Variants in ATP9B observed in about 807,000 individuals in gnomAD.
The protein encoded by ATP9B is ATPase phospholipid transporting 9B.
Under a neutral mutation model 146.1 loss-of-function variants are expected in ATP9B, and 110 were observed. That is an observed-to-expected ratio of 0.75 (90% CI 0.65 to 0.88). The LOEUF is 0.88. Ranked by LOEUF, ATP9B falls within the 40% of genes least tolerant of loss-of-function variation. ATP9B has a pLI of 0.00. For synonymous variants in ATP9B, 604 were observed against 569.7 expected (o/e 1.06, Z -0.86); for missense variants, 1,499 against 1,496.4 (o/e 1.00, Z -0.03).
At chr18:79,082,726 C>G (rs1209365248) in intron 1 of ATP9B, among the ~76,000 whole-genome samples, 1 of 152,222 alleles carries the variant, frequency 6.6e-6, no homozygotes, top group African/African-American at 2.4e-5. Context: ...CTGGGTTTCA[C>G]CAGCGGAGGT....
rs370595343 is a variant in ATP9B, at chr18:79,099,776, A to AT, written c.293+3134dup. On this transcript the variant is annotated intron_variant, in intron 2 of 29. Transcript: ENST00000426216. ...CATGCCCAACCTGTTTTTTGCAGTT[A>AT]TTTTTTTGTAATTGATTTGTATCTG... 4.9e-3 allele frequency among the ~76,000 whole-genome samples: 749 copies of AT among 151,974 alleles called. 5 individuals carry two copies. Among genetic ancestry groups the AT allele is most frequent in the South Asian group, 0.025 (120 of 4,796 alleles).
At chr18:79,325,924 C>A (rs1171959834) in intron 15 of ATP9B, among the ~76,000 whole-genome samples, 3 of 146,426 alleles carry the variant, frequency 2.0e-5, no homozygotes, top group African/African-American at 5.1e-5. Flanking sequence ...ATCTCTGTAC[C>A]CTCCCTCCCC....
At chr18:79,079,223 T>C (rs1411120449) in intron 1 of ATP9B, among the ~76,000 whole-genome samples, 1 of 152,238 alleles carries the variant, frequency 6.6e-6, no homozygotes, top group African/African-American at 2.4e-5. Context: ...TCTAGATCCT[T>C]GAGGAATTGC....
chr18:79,303,403 T>C (rs1461491642), intron 13 of ATP9B, among the ~76,000 whole-genome samples: 1 of 151,892 alleles, frequency 6.6e-6, no homozygotes, highest in African/African-American at 2.4e-5. Flanking sequence ...TACCTTGACA[T>C]GCTAGGGAGA....
chr18:79,117,303 A>G (rs1045725861), intron 4 of ATP9B: 9 of 152,212 alleles, frequency 5.9e-5, no homozygotes, highest in African/African-American at 1.9e-4. Context: ...TTCTGGGAGA[A>G]AAGGCAGTAT....
intron 12 of ATP9B, among the ~76,000 whole-genome samples, chr18:79,258,025 T>C (rs116534475): frequency 0.015 from 2,350 of 152,304 alleles, 67 homozygotes; most frequent in African/African-American, 0.054. Flanking sequence ...CTTTCTTTAG[T>C]AAAATAACAT....
chr18:79,203,156 C>CT, intron 9 of ATP9B, among the ~76,000 whole-genome samples: 1 of 151,976 alleles, frequency 6.6e-6, no homozygotes, highest in East Asian at 1.9e-4. Flanking sequence ...AGGTGGAAGG[C>CT]TTAGAGTAAC....
intron 26 of ATP9B, chr18:79,362,034 G>A (rs751259497): frequency 6.5e-6 from 1 of 152,974 alleles, no homozygotes; most frequent in Non-Finnish European, 1.5e-5. Context: ...TGAAATGTGA[G>A]TGGCTGACCG....
chr18:79,075,449 A>G, intron 1 of ATP9B, among the ~76,000 whole-genome samples: 1 of 151,948 alleles, frequency 6.6e-6, no homozygotes, highest in South Asian at 2.1e-4. Context: ...CTCTTTTTAG[A>G]GTTTTATCAA....
At chr18:79,105,814 C>T (rs1489383609) in intron 2 of ATP9B, among the ~76,000 whole-genome samples, 1 of 152,152 alleles carries the variant, frequency 6.6e-6, no homozygotes, top group Non-Finnish European at 1.5e-5. Flanking sequence ...CTCAACTAAT[C>T]GGCAGACGTT....
At chr18:79,291,968 G>C (rs749139863) in intron 13 of ATP9B, among the ~76,000 whole-genome samples, 1 of 152,188 alleles carries the variant, frequency 6.6e-6, no homozygotes, top group Non-Finnish European at 1.5e-5. Flanking sequence ...TGTCCTGGGC[G>C]TTCCACGTAA....
chr18:79,154,023 A>G (rs1301770094), intron 6 of ATP9B, among the ~76,000 whole-genome samples: 5 of 147,496 alleles, frequency 3.4e-5, no homozygotes, highest in Non-Finnish European at 5.9e-5. Flanking sequence ...CAGTGGCACA[A>G]TCTCCACTCA....
intron 15 of ATP9B, among the ~76,000 whole-genome samples, chr18:79,310,368 G>A (rs1345846574): frequency 6.6e-6 from 1 of 152,222 alleles, no homozygotes; most frequent in African/African-American, 2.4e-5. Flanking sequence ...TGCCTTATGA[G>A]TAATAACTAG....
intron 2 of ATP9B, among the ~76,000 whole-genome samples, chr18:79,104,260 A>G (rs139668870): frequency 4.6e-5 from 7 of 152,188 alleles, no homozygotes; most frequent in African/African-American, 1.4e-4. Flanking sequence ...CCGTTAGGTG[A>G]TTTTTTGTGT....
chr18:79,364,265 CAAAAAA>C (rs950562390), intron 26 of ATP9B: 7 of 95,146 alleles, frequency 7.4e-5, no homozygotes, highest in Non-Finnish European at 1.3e-4. Context: ...AACTCCGTCT[CAAAAAA>C]AAAAAAAAAG....
intron 8 of ATP9B, among the ~76,000 whole-genome samples, chr18:79,192,879 C>T (rs1399504724): frequency 6.6e-6 from 1 of 152,130 alleles, no homozygotes; most frequent in Non-Finnish European, 1.5e-5. Flanking sequence ...CAAGATACTC[C>T]TAAACAGGCT....
rs142719740 is a variant in ATP9B at position 79,176,898 on chromosome 18, G to A, written c.864G>A (p.Pro288=). The change falls in exon 8 of 30, where the codon CCG becomes CCA. Residue 288 remains proline, a synonymous_variant. Transcript: ENST00000426216. ...CAGTGAGCTGCACGCAACAGCTGCC[G>A]GCTCTGGGGGTGAGCAGCACCAAGA... ...KVAVSCTQQL[P]ALGDLFSISA... The A allele has an allele frequency of 2.2e-5, 36 of 1,613,686 alleles. No individual in the cohort carries two copies. Among genetic ancestry groups the A allele is most frequent in the African/African-American group, 1.6e-4 (12 of 74,910 alleles).
intron 8 of ATP9B, 42 bp from the exon 9 acceptor site, chr18:79,193,141 A>T (rs1309547231): frequency 7.1e-7 from 1 of 1,401,326 alleles, no homozygotes; most frequent in East Asian, 2.3e-5. Context: ...TAATTTTACT[A>T]AACTATAACA....
chr18:79,282,095 T>C lies in ATP9B; in HGVS notation c.1411+4899T>C, dbSNP rs114990344. Among the ~76,000 whole-genome samples, 1,000 of 152,276 alleles carry C rather than the reference T, an allele frequency of 6.6e-3. 5 individuals are homozygous for C. Among genetic ancestry groups the C allele is most frequent in the African/African-American group, 0.023 (936 of 41,546 alleles). Reference sequence around the variant, plus strand: ...TAGGGAGGGAATTAGGAGTGGAGCCTGAAGATGACTGAACTGCGGCAACCT... The same window carrying C: ...TAGGGAGGGAATTAGGAGTGGAGCCCGAAGATGACTGAACTGCGGCAACCT... On this transcript the variant is annotated intron_variant, in intron 13 of 29. Coordinates refer to ENST00000426216, the MANE Select transcript of ATP9B (RefSeq NM_198531.5).
Sources: allele counts gnomAD v4.1 joint callset (sites outside exome capture counted in the v4.1 genomes callset), GRCh38; gene constraint gnomAD v4.1.1; transcripts MANE v1.5; gene names NCBI Gene and HGNC (gene_info 2026-07-23, HGNC 2026-07-21).